Variants in GPC6 observed in about 807,000 individuals in gnomAD.
GPC6 encodes glypican 6, also known as glypican-6.
Under a neutral mutation model 55.2 loss-of-function variants are expected in GPC6, and 14 were observed. That is an observed-to-expected ratio of 0.25 (90% CI 0.17 to 0.40). The LOEUF (loss-of-function observed/expected upper bound fraction) is 0.40, where lower values mean the gene tolerates loss of function less well. Among genes scored for constraint, GPC6 ranks in the 10% least tolerant of loss-of-function variants. GPC6 has a pLI of 1.00. For missense variants in GPC6, 641 were observed against 708.5 expected, an observed-to-expected ratio of 0.90 and a Z score of 1.08; for synonymous variants, 278 against 259.6, an observed-to-expected ratio of 1.07 and a Z score of -0.68.
chr13:94,041,831 C>T (rs1462417539), intron 4 of GPC6, among the ~76,000 whole-genome samples: 1 of 151,814 alleles, frequency 6.6e-6, no homozygotes, highest in Non-Finnish European at 1.5e-5. Context: ...TATTTTTTAG[C>T]ATTTGTTTCA....
chr13:93,588,842 G>A (rs919651266), intron 2 of GPC6, among the ~76,000 whole-genome samples: 1 of 152,134 alleles, frequency 6.6e-6, no homozygotes, highest in East Asian at 1.9e-4. Flanking sequence ...GGAGGGACAA[G>A]TATCCAAAGT....
At chr13:93,359,155 T>C (rs1368041956) in intron 1 of GPC6, among the ~76,000 whole-genome samples, 1 of 151,932 alleles carries the variant, frequency 6.6e-6, no homozygotes, top group Admixed American at 6.6e-5. Flanking sequence ...TTATAGAGGC[T>C]GGGTCTCAGC....
At chr13:93,502,219 A>G (rs1490078535) in intron 1 of GPC6, among the ~76,000 whole-genome samples, 1 of 152,060 alleles carries the variant, frequency 6.6e-6, no homozygotes, top group Non-Finnish European at 1.5e-5. Context: ...GGACAAAAAC[A>G]AAACAAACAA....
intron 4 of GPC6, among the ~76,000 whole-genome samples, chr13:94,159,887 A>T (rs1241226557): frequency 6.6e-6 from 1 of 152,190 alleles, no homozygotes; most frequent in African/African-American, 2.4e-5. Flanking sequence ...TATGCTTGTT[A>T]CATTATCATC....
At chr13:93,808,411 A>G (rs1886600112) in intron 2 of GPC6, among the ~76,000 whole-genome samples, 1 of 152,200 alleles carries the variant, frequency 6.6e-6, no homozygotes, top group Non-Finnish European at 1.5e-5. Flanking sequence ...AATTGTAAGA[A>G]TTAGCCTGAT....
intron 2 of GPC6, among the ~76,000 whole-genome samples, chr13:93,551,134 A>G (rs1288414048): frequency 1.3e-5 from 2 of 152,156 alleles, no homozygotes; most frequent in Admixed American, 6.5e-5. Flanking sequence ...ACGAGACAAA[A>G]TGAATCAAAG....
chr13:94,339,189 C>A (rs1469453847), intron 6 of GPC6, among the ~76,000 whole-genome samples: 1 of 152,060 alleles, frequency 6.6e-6, no homozygotes, highest in Non-Finnish European at 1.5e-5. Flanking sequence ...CTCAGCCCCA[C>A]AAGTAGCTAA....
At chr13:93,756,829 G>A (rs1163862941) in intron 2 of GPC6, among the ~76,000 whole-genome samples, 1 of 152,132 alleles carries the variant, frequency 6.6e-6, no homozygotes, top group Admixed American at 6.6e-5. Flanking sequence ...AGGCTTGATA[G>A]GGAGTGGGAG....
At chr13:93,730,430 T>C (rs1024870491) in intron 2 of GPC6, among the ~76,000 whole-genome samples, 1 of 152,214 alleles carries the variant, frequency 6.6e-6, no homozygotes, top group Non-Finnish European at 1.5e-5. Context: ...ACTCTACAAA[T>C]GTCCTTGTTG....
intron 1 of GPC6, among the ~76,000 whole-genome samples, chr13:93,469,298 T>C (rs986338533): frequency 2.0e-5 from 3 of 152,208 alleles, no homozygotes; most frequent in Admixed American, 1.3e-4. Flanking sequence ...TTTGTCATTG[T>C]TGTTGCACAG....
intron 1 of GPC6, among the ~76,000 whole-genome samples, chr13:93,539,529 G>A (rs1322328251): frequency 2.0e-5 from 3 of 152,062 alleles, no homozygotes; most frequent in South Asian, 2.1e-4. Context: ...TCGGGCTCAC[G>A]CGGAATTGGA....
intron 2 of GPC6, among the ~76,000 whole-genome samples, chr13:93,718,741 C>T (rs990610406): frequency 2.6e-5 from 4 of 151,992 alleles, no homozygotes; most frequent in Non-Finnish European, 5.9e-5. Flanking sequence ...GGTTTTAGGT[C>T]TTACATTTAA....
intron 2 of GPC6, among the ~76,000 whole-genome samples, chr13:93,767,985 A>G (rs1885176335): frequency 1.3e-5 from 2 of 152,192 alleles, no homozygotes; most frequent in Non-Finnish European, 1.5e-5. Flanking sequence ...GGAAATAAGC[A>G]CTAAAAAAAA....
chr13:93,761,761 T>C (rs1884962742), intron 2 of GPC6, among the ~76,000 whole-genome samples: 1 of 152,170 alleles, frequency 6.6e-6, no homozygotes, highest in African/African-American at 2.4e-5. Flanking sequence ...ATTAATTAGA[T>C]ATATTTATGG....
At chr13:93,759,949 G>A (rs2138875073) in intron 2 of GPC6, among the ~76,000 whole-genome samples, 1 of 151,184 alleles carries the variant, frequency 6.6e-6, no homozygotes, top group Admixed American at 6.6e-5. Context: ...GCTGCAGTGT[G>A]GTAGATACCC....
chr13:93,523,473 A>G (rs1457135087), intron 1 of GPC6, among the ~76,000 whole-genome samples: 4 of 151,166 alleles, frequency 2.6e-5, no homozygotes, highest in African/African-American at 9.7e-5. Flanking sequence ...ATGACATTTT[A>G]CACACATACA....
At chr13:94,377,646 C>G (rs1879946596) in intron 6 of GPC6, among the ~76,000 whole-genome samples, 2 of 151,746 alleles carry the variant, frequency 1.3e-5, no homozygotes, top group Non-Finnish European at 2.9e-5. Flanking sequence ...GGCGATTCCT[C>G]AGGGATCTAG....
At chr13:94,329,539 G>A (rs189728605) in intron 6 of GPC6, among the ~76,000 whole-genome samples, 1 of 152,204 alleles carries the variant, frequency 6.6e-6, no homozygotes, top group African/African-American at 2.4e-5. Context: ...TTCATCCCAG[G>A]GGGGAGGTTT....
chr13:93,265,793 T>G (rs947770159), intron 1 of GPC6, among the ~76,000 whole-genome samples: 1 of 142,724 alleles, frequency 7.0e-6, no homozygotes, highest in Non-Finnish European at 1.5e-5. Context: ...TTATTTCTTT[T>G]TTTTCTTTTT....
Sources: allele counts gnomAD v4.1 joint callset (sites outside exome capture counted in the v4.1 genomes callset), GRCh38; gene constraint gnomAD v4.1.1; transcripts MANE v1.5; gene names NCBI Gene and HGNC (gene_info 2026-07-23, HGNC 2026-07-21).